FGF7: variants seen among roughly 807,000 people sequenced by gnomAD.
The protein encoded by FGF7 is FGF-7.
In FGF7, 6 loss-of-function variants were observed where a neutral mutation model predicts 20.5. That is an observed-to-expected ratio of 0.29 (90% CI 0.16 to 0.58). The LOEUF (loss-of-function observed/expected upper bound fraction) is 0.58. Among genes scored for constraint, FGF7 ranks in the 20% least tolerant of loss-of-function variants. FGF7 has a pLI of 0.90. For synonymous variants in FGF7, 64 were observed against 74.7 expected, an observed-to-expected ratio of 0.86 and a Z score of 0.74; for missense variants, 144 against 228.8, an observed-to-expected ratio of 0.63 and a Z score of 2.39.
intron 2 of FGF7, among the ~76,000 whole-genome samples, chr15:49,482,695 AG>A (rs1292640214): frequency 6.6e-6 from 1 of 152,124 alleles, no homozygotes; most frequent in Non-Finnish European, 1.5e-5. Flanking sequence ...CAAATTTCTT[AG>A]TTTCTCTGTG....
chr15:49,484,203 G>A, intron 3 of FGF7, 107 bp from the exon 4 acceptor site: 1 of 703,966 alleles, frequency 1.4e-6, no homozygotes, highest in South Asian at 1.9e-5. Context: ...GTTAAAAAAA[G>A]TTGTGTATGT....
intron 2 of FGF7, among the ~76,000 whole-genome samples, chr15:49,429,980 G>T (rs1007030018): frequency 6.6e-6 from 1 of 151,894 alleles, no homozygotes; most frequent in Admixed American, 6.6e-5. Context: ...GGGGTCTTGG[G>T]AATGTTTCAG....
chr15:49,426,456 C>CA (rs1567253290), intron 2 of FGF7, among the ~76,000 whole-genome samples: 1 of 151,502 alleles, frequency 6.6e-6, no homozygotes, highest in East Asian at 1.9e-4. Flanking sequence ...AATGAAAAAG[C>CA]AAAAAAGTAG....
At chr15:49,471,240 C>G (rs779495702) in intron 2 of FGF7, among the ~76,000 whole-genome samples, 1 of 117,876 alleles carries the variant, frequency 8.5e-6, no homozygotes, top group African/African-American at 2.9e-5. Context: ...AATCCCAGCA[C>G]TTTGGGAGGC....
chr15:49,462,407 G>C (rs377572525), intron 2 of FGF7, among the ~76,000 whole-genome samples: 13 of 152,060 alleles, frequency 8.5e-5, no homozygotes, highest in African/African-American at 3.1e-4. Context: ...TTTTCCCCTT[G>C]TACTCACTAG....
intron 2 of FGF7, among the ~76,000 whole-genome samples, chr15:49,476,314 A>C (rs2055316625): frequency 6.6e-6 from 1 of 150,460 alleles, no homozygotes; most frequent in Non-Finnish European, 1.5e-5. Context: ...TACTAACTGA[A>C]TTTTTGTATA....
intron 2 of FGF7, among the ~76,000 whole-genome samples, chr15:49,476,494 T>C (rs2151989288): frequency 6.6e-6 from 1 of 152,116 alleles, no homozygotes; most frequent in Admixed American, 6.5e-5. Context: ...TTCCAAAGTG[T>C]GTTTTTATTA....
At chr15:49,451,216 A>G (rs1272397080) in intron 2 of FGF7, among the ~76,000 whole-genome samples, 1 of 152,152 alleles carries the variant, frequency 6.6e-6, no homozygotes, top group Non-Finnish European at 1.5e-5. Flanking sequence ...TAAAATTTTA[A>G]CCAATTAGAG....
chr15:49,429,997 T>C (rs2050454152), intron 2 of FGF7, among the ~76,000 whole-genome samples: 2 of 151,906 alleles, frequency 1.3e-5, no homozygotes, highest in Non-Finnish European at 2.9e-5. Flanking sequence ...TCAGACCCTG[T>C]AGAGGGATTC....
At chr15:49,438,883 GGAGAAAAAAGAGA>G (rs1401288348) in intron 2 of FGF7, among the ~76,000 whole-genome samples, 1 of 149,648 alleles carries the variant, frequency 6.7e-6, no homozygotes, top group East Asian at 2.0e-4. Context: ...TAAGAGAGAG[GGAGAAAAAAGAGA>G]GAGAAAAAGA....
In FGF7 at chr15:49,484,444, A is replaced by G. The variant is rs761059611; in HGVS notation, c.525A>G (p.Arg175=). 2 of 1,584,566 alleles carry G rather than the reference A, an allele frequency of 1.3e-6. No homozygotes were observed. The highest frequency in any genetic ancestry group is 4.5e-5 in the East Asian group (2 of 44,322). The part of the protein sequence containing the change: ...VALNQKGIPV[R]GKKTKKEQKT... ...TAAATCAAAAGGGGATTCCTGTAAG[A>G]GGAAAAAAAACGAAGAAAGAACAAA... Residue 175 remains arginine (R), a synonymous_variant, in exon 4 of 4, where the codon AGA becomes AGG. Transcript: ENST00000267843.
chr15:49,447,560 G>T (rs1239930667), intron 2 of FGF7, among the ~76,000 whole-genome samples: 2 of 151,662 alleles, frequency 1.3e-5, no homozygotes, highest in Non-Finnish European at 3.0e-5. Flanking sequence ...TGTATTGTTT[G>T]TCAGGTTTAA....
chr15:49,429,733 G>T (rs981394470), intron 2 of FGF7, among the ~76,000 whole-genome samples: 1 of 151,862 alleles, frequency 6.6e-6, no homozygotes, highest in Non-Finnish European at 1.5e-5. Context: ...GGTACAGTCT[G>T]GGCATCAGGA....
chr15:49,484,705 C>T lies in FGF7; in HGVS notation c.*201C>T, dbSNP rs538124446. 4 of 390,260 alleles carry T rather than the reference C, an allele frequency of 1.0e-5. No homozygotes were observed. In the South Asian group the frequency reaches 4.4e-4, roughly 43 times the overall value. 24.2% of individuals were successfully genotyped at this position (390,260 alleles called of 1,614,324 possible). On this transcript the variant is annotated 3_prime_UTR_variant, in exon 4 of 4. Coordinates refer to ENST00000267843, the MANE Select transcript of FGF7 (RefSeq NM_002009.4). ...ATTAAAGAAAGATTTGAAAAGTATA[C>T]ACAAAAATCAGATTTAGTAACTAAA...
chr15:49,470,352 TTTC>T (rs1439593217), intron 2 of FGF7, among the ~76,000 whole-genome samples: 1 of 152,194 alleles, frequency 6.6e-6, no homozygotes, highest in Non-Finnish European at 1.5e-5. Context: ...GCTGAGCAAA[TTTC>T]TTTTTTATTA....
chr15:49,428,232 T>C (rs1205999205), intron 2 of FGF7, among the ~76,000 whole-genome samples: 1 of 151,954 alleles, frequency 6.6e-6, no homozygotes, highest in Non-Finnish European at 1.5e-5. Flanking sequence ...CTCTCCCCTT[T>C]ACTTATCTCT....
chr15:49,484,241 A>AC (rs1383994959), intron 3 of FGF7, 69 bp from the exon 4 acceptor site: 1 of 1,119,262 alleles, frequency 8.9e-7, no homozygotes, highest in African/African-American at 1.6e-5. Context: ...TTACCTGCTT[A>AC]CTCTTCGTTT....
intron 2 of FGF7, among the ~76,000 whole-genome samples, chr15:49,426,691 A>G (rs1256639545): frequency 1.3e-5 from 2 of 151,896 alleles, no homozygotes; most frequent in Middle Eastern, 3.2e-3. Flanking sequence ...TTTGTAAACC[A>G]TCTCCTCTAA....
intron 2 of FGF7, among the ~76,000 whole-genome samples, chr15:49,429,757 C>T (rs752481509): frequency 6.6e-6 from 1 of 151,878 alleles, no homozygotes; most frequent in African/African-American, 2.4e-5. Context: ...TTAAAAGCTT[C>T]CCCAGATAAT....
Sources: gnomAD v4.1 joint callset for allele counts (sites outside exome capture counted in the v4.1 genomes callset) on GRCh38, gnomAD v4.1.1 for gene constraint, MANE v1.5 for transcripts, NCBI Gene and HGNC (gene_info 2026-07-23, HGNC 2026-07-21) for gene names.